The following ZNF704 variants were observed in gnomAD, a reference collection of about 807,000 sequenced individuals.
The protein encoded by ZNF704 is glucocorticoid induced gene 1.
A neutral mutation model predicts 44.7 loss-of-function variants in ZNF704; 10 were observed. The ratio of observed to expected loss-of-function variants is 0.22; its 90% CI spans 0.14 to 0.38. The LOEUF (loss-of-function observed/expected upper bound fraction) is 0.38. Ranked by LOEUF, ZNF704 falls within the 10% of genes least tolerant of loss-of-function variation. The pLI is 1.00. For synonymous variants in ZNF704, 211 were observed against 207.6 expected, an observed-to-expected ratio of 1.02 and a Z score of -0.14; for missense variants, 390 against 545.5, an observed-to-expected ratio of 0.71 and a Z score of 2.84.
chr8:80,760,757 C>T (rs995618419), intron 2 of ZNF704, among the ~76,000 whole-genome samples: 1 of 151,850 alleles, frequency 6.6e-6, no homozygotes, highest in Non-Finnish European at 1.5e-5. Flanking sequence ...GTCATAGGTC[C>T]TGCAGGCTGT....
chr8:80,772,314 G>A (rs562743616), intron 2 of ZNF704, among the ~76,000 whole-genome samples: 6 of 152,192 alleles, frequency 3.9e-5, no homozygotes, highest in East Asian at 1.9e-4. Flanking sequence ...TTCAAAGAAC[G>A]AAATTGTATT....
At chr8:80,832,199 C>T (rs1039053182) in intron 1 of ZNF704, among the ~76,000 whole-genome samples, 2 of 152,060 alleles carry the variant, frequency 1.3e-5, no homozygotes, top group African/African-American at 4.8e-5. Flanking sequence ...ATATGATATA[C>T]TTGGGGAAAT....
intron 2 of ZNF704, among the ~76,000 whole-genome samples, chr8:80,788,590 G>A (rs1286362794): frequency 1.3e-5 from 2 of 152,192 alleles, no homozygotes; most frequent in Non-Finnish European, 2.9e-5. Flanking sequence ...TTCATCTTGT[G>A]TCTGCCTGGC....
intron 1 of ZNF704, among the ~76,000 whole-genome samples, chr8:80,822,675 T>G (rs1808298300): frequency 6.6e-6 from 1 of 152,160 alleles, no homozygotes. Flanking sequence ...AGTGTAAAAG[T>G]GTTCCTATTT....
intron 2 of ZNF704, among the ~76,000 whole-genome samples, chr8:80,697,087 T>C (rs944346361): frequency 3.9e-5 from 6 of 152,164 alleles, no homozygotes; most frequent in African/African-American, 1.2e-4. Context: ...GAACAGGATT[T>C]CAAGATGGGA....
At chr8:80,832,915 T>A (rs1385116927) in intron 1 of ZNF704, among the ~76,000 whole-genome samples, 2 of 152,226 alleles carry the variant, frequency 1.3e-5, no homozygotes, top group African/African-American at 4.8e-5. Context: ...GACACATTAC[T>A]ATTTGGTGAC....
chr8:80,683,115 T>C (rs1488833132), intron 4 of ZNF704, among the ~76,000 whole-genome samples: 1 of 152,180 alleles, frequency 6.6e-6, no homozygotes, highest in African/African-American at 2.4e-5. Flanking sequence ...GGTCACTGCA[T>C]CACCTTGTGG....
intron 1 of ZNF704, among the ~76,000 whole-genome samples, chr8:80,855,841 T>C (rs1157774410): frequency 6.6e-6 from 1 of 152,216 alleles, no homozygotes; most frequent in African/African-American, 2.4e-5. Context: ...TAACGAAGAC[T>C]ATAGTGAAAC....
At chr8:80,826,503 G>A (rs889431203) in intron 1 of ZNF704, among the ~76,000 whole-genome samples, 4 of 152,108 alleles carry the variant, frequency 2.6e-5, no homozygotes, top group Non-Finnish European at 5.9e-5. Flanking sequence ...GTACAAAGAG[G>A]AGCTGGTACC....
intron 2 of ZNF704, among the ~76,000 whole-genome samples, chr8:80,788,332 C>T (rs1404159966): frequency 6.6e-6 from 1 of 152,124 alleles, no homozygotes; most frequent in East Asian, 1.9e-4. Context: ...AATTAAAATG[C>T]TCAATGAACT....
chr8:80,748,484 GACTTTAAGAGTTCTTCCTC>G (rs1293836395), intron 2 of ZNF704, among the ~76,000 whole-genome samples: 1 of 152,214 alleles, frequency 6.6e-6, no homozygotes, highest in Non-Finnish European at 1.5e-5. Context: ...CTTCAAATAT[GACTTTAAGAGTTCTTCCTC>G]TGCCCGGAAG....
At chr8:80,705,930 C>A (rs959674431) in intron 2 of ZNF704, among the ~76,000 whole-genome samples, 2 of 152,186 alleles carry the variant, frequency 1.3e-5, no homozygotes, top group Non-Finnish European at 2.9e-5. Context: ...TGCTGTCTGT[C>A]CAGGCTGTCA....
chr8:80,708,662 T>C (rs1818933472), intron 2 of ZNF704, among the ~76,000 whole-genome samples: 1 of 152,252 alleles, frequency 6.6e-6, no homozygotes, highest in African/African-American at 2.4e-5. Flanking sequence ...TAGGTTGTCA[T>C]ACTTGTGTAG....
chr8:80,759,575 T>TGGG (rs1807094328), intron 2 of ZNF704, among the ~76,000 whole-genome samples: 1 of 152,126 alleles, frequency 6.6e-6, no homozygotes, highest in Non-Finnish European at 1.5e-5. Context: ...GTTGTCATGG[T>TGGG]GGGGAGGCCC....
chr8:80,796,197 C>T (rs1296088248), intron 2 of ZNF704, among the ~76,000 whole-genome samples: 3 of 152,156 alleles, frequency 2.0e-5, no homozygotes, highest in Admixed American at 2.0e-4. Flanking sequence ...GGTTGAAGAG[C>T]CACATCTGGT....
intron 6 of ZNF704, among the ~76,000 whole-genome samples, chr8:80,661,623 T>A (rs1163940451): frequency 6.6e-6 from 1 of 152,150 alleles, no homozygotes; most frequent in Non-Finnish European, 1.5e-5. Flanking sequence ...AAAAGAATGA[T>A]ATCCTGTCAT....
chr8:80,656,554 A>G (rs547665836), intron 7 of ZNF704, among the ~76,000 whole-genome samples: 2 of 152,338 alleles, frequency 1.3e-5, no homozygotes, highest in Non-Finnish European at 2.9e-5. Context: ...CAAAAGACTG[A>G]ACTTCCAGTT....
At position 80,731,938 on chromosome 8, in the gene ZNF704, TGAAGGTGAGACTTTTCCAA is replaced by T. The variant is rs539960491; in HGVS notation, c.222-38850_222-38832del. ...AACAGTGCTAACATTGCATATCACA[TGAAGGTGAGACTTTTCCAA>T]AATAAAAATGAACAGCCATGTTCAA... On this transcript the variant is annotated intron_variant, in intron 2 of 8. Transcript: ENST00000327835. 2.9e-4 allele frequency among the ~76,000 whole-genome samples: 44 copies of T among 152,330 alleles called. No individual in the cohort carries two copies. In the South Asian group the frequency reaches 8.3e-3, roughly 29 times the overall value.
chr8:80,642,842 T>A (rs1288626196), intron 8 of ZNF704, among the ~76,000 whole-genome samples, 193 bp downstream of exon 8: 3 of 152,084 alleles, frequency 2.0e-5, no homozygotes, highest in African/African-American at 7.2e-5. Context: ...TTATTGTAAA[T>A]CATTACCCCC....
Sources: gnomAD v4.1 joint callset for allele counts (sites outside exome capture counted in the v4.1 genomes callset) on GRCh38, gnomAD v4.1.1 for gene constraint, MANE v1.5 for transcripts, NCBI Gene and HGNC (gene_info 2026-07-23, HGNC 2026-07-21) for gene names.